The following TFDP1 variants were observed in gnomAD, a reference collection of about 807,000 sequenced individuals.
TFDP1 encodes DRTF1-polypeptide 1.
A neutral mutation model predicts 48.0 loss-of-function variants in TFDP1; 6 were observed. The observed-to-expected ratio is 0.13, with a 90% CI of 0.07 to 0.25. TFDP1 has a LOEUF of 0.25. Among genes scored for constraint, TFDP1 ranks in the 10% least tolerant of loss-of-function variants. TFDP1 has a pLI of 1.00. For synonymous variants in TFDP1, 201 were observed against 211.6 expected (o/e 0.95, Z 0.44); for missense variants, 335 against 543.0 (o/e 0.62, Z 3.81).
At chr13:113,621,003 GTTTAATATATT>G (rs2048982033) in intron 3 of TFDP1, among the ~76,000 whole-genome samples, 1 of 152,200 alleles carries the variant, frequency 6.6e-6, no homozygotes, top group Non-Finnish European at 1.5e-5. Flanking sequence ...AAAATTCATT[GTTTAATATATT>G]TTAAAGAAAT....
chr13:113,620,747 A>G (rs1319472402), intron 3 of TFDP1, among the ~76,000 whole-genome samples: 1 of 152,256 alleles, frequency 6.6e-6, no homozygotes, highest in Non-Finnish European at 1.5e-5. Flanking sequence ...ATAAAACAAT[A>G]AAAAAGTAAA....
At chr13:113,609,772 C>T (rs2048661209) in intron 2 of TFDP1, among the ~76,000 whole-genome samples, 1 of 152,164 alleles carries the variant, frequency 6.6e-6, no homozygotes, top group Non-Finnish European at 1.5e-5. Flanking sequence ...CCTTTACCCT[C>T]AGCGAAGGCA....
chr13:113,636,527 C>A lies in TFDP1; in HGVS notation c.840-7C>A. 1 of 1,613,150 alleles carries A rather than the reference C, an allele frequency of 6.2e-7. No homozygotes were observed. Among genetic ancestry groups the A allele is most frequent in the Non-Finnish European group, 8.5e-7 (1 of 1,179,900 alleles). ...CCTGTCTTTCTGACTGTGCCTTTCC[C>A]CTTCAGATTTGAGTATCTGTTTAAT... On this transcript the variant is annotated splice_polypyrimidine_tract_variant and splice_region_variant and intron_variant, in intron 9 of 11. Coordinates refer to ENST00000375370, the MANE Select transcript of TFDP1 (RefSeq NM_007111.5).
At position 113,614,094 on chromosome 13, in the gene TFDP1, TTG is replaced by T. The variant is rs559682404; in HGVS notation, c.79+3037_79+3038del. Among the ~76,000 whole-genome samples, 442 of 151,116 alleles carry T rather than the reference TTG, an allele frequency of 2.9e-3. 3 individuals carry two copies. Among genetic ancestry groups the T allele is most frequent in the African/African-American group, 0.01 (428 of 41,114 alleles). On this transcript the variant is annotated intron_variant, in intron 3 of 11. Coordinates refer to ENST00000375370, the MANE Select transcript of TFDP1 (RefSeq NM_007111.5). ...GTTGTGTGCATGAGATGTATGTGAG[TTG>T]TGTGCATATGCACGTGTGAGTTGAG...
At chr13:113,585,301 A>C (rs1177754648) in intron 1 of TFDP1, 1 of 150,762 alleles carries the variant, frequency 6.6e-6, no homozygotes, top group Non-Finnish European at 1.5e-5. Flanking sequence ...GCCTAGTGAC[A>C]GGCGCGCGGC....
chr13:113,636,144 G>A lies in TFDP1; in HGVS notation c.839+16G>A. 6.2e-7 allele frequency: 1 copy of A among 1,613,374 alleles called. No homozygotes were observed. The highest frequency in any genetic ancestry group is 1.1e-5 in the South Asian group (1 of 90,974). On this transcript the variant is annotated intron_variant, in intron 9 of 11. Transcript: ENST00000375370. Reference sequence around the variant, plus strand: ...CCAATGACAAGTAGGTTGTGGGCGGGGAGCTGTTCCCTGGTCACCCATCTC... The same window carrying A: ...CCAATGACAAGTAGGTTGTGGGCGGAGAGCTGTTCCCTGGTCACCCATCTC...
In TFDP1 at chr13:113,622,818, T is replaced by G. The variant is rs560204265; in HGVS notation, c.80-362T>G. Among the ~76,000 whole-genome samples the G allele has an allele frequency of 3.3e-5, 5 of 152,364 alleles. No individual in the cohort carries two copies. The East Asian group carries it at 9.6e-4, about 29-fold the overall frequency. On this transcript the variant is annotated intron_variant, in intron 3 of 11. Transcript: ENST00000375370. ...GTTTTGCAGCCTTATAGAGAAATGTTGCGATAAAAATTCTAGTTTTAAAAT... is the reference window on the plus strand; with the variant it reads ...GTTTTGCAGCCTTATAGAGAAATGTGGCGATAAAAATTCTAGTTTTAAAAT...
intron 2 of TFDP1, among the ~76,000 whole-genome samples, chr13:113,591,992 G>T: frequency 6.6e-6 from 1 of 152,282 alleles, no homozygotes; most frequent in South Asian, 2.1e-4. Context: ...TGAGATTCCC[G>T]CAGCATCCCG....
intron 3 of TFDP1, among the ~76,000 whole-genome samples, chr13:113,622,212 C>T (rs1196400004): frequency 6.6e-6 from 1 of 152,240 alleles, no homozygotes; most frequent in African/African-American, 2.4e-5. Context: ...CACTACCGGT[C>T]TCTGCGACTT....
In TFDP1 at chr13:113,607,224, A is replaced by G. The variant is rs886489830; in HGVS notation, c.13-3772A>G. On this transcript the variant is annotated intron_variant, in intron 2 of 11. Coordinates refer to ENST00000375370, the MANE Select transcript of TFDP1 (RefSeq NM_007111.5). The surrounding 1 kb of genome is among the most constrained non-coding windows in gnomAD (Gnocchi z 5.2). ...TGCGGCTGAGACAGCGCAGGGCGTCATTCATCCCCCTGCCTCCTGAGCCCA... is the reference window on the plus strand; with the variant it reads ...TGCGGCTGAGACAGCGCAGGGCGTCGTTCATCCCCCTGCCTCCTGAGCCCA... 6.6e-6 allele frequency among the ~76,000 whole-genome samples: 1 copy of G among 152,206 alleles called. No individual in the cohort carries two copies.
intron 3 of TFDP1, 75 bp downstream of exon 3, chr13:113,611,137 C>T (rs1056782688): frequency 1.6e-5 from 22 of 1,384,274 alleles, no homozygotes; most frequent in African/African-American, 1.1e-4. Context: ...AAGCTGTTGA[C>T]GCTGAAGCCT....
Position 113,636,082 on chromosome 13 carries a change from A to G in TFDP1, c.793A>G (p.Asn265Asp). Residue 265 changes from asparagine to aspartate, a missense_variant, in exon 9 of 12, where the codon AAC (asparagine) becomes GAC (aspartate). Transcript: ENST00000375370. Reference sequence around the variant, plus strand: ...CATCCACCTGCCCTTCATCATCGTCAACACCAGCAAGAAGACGGTCATCGA... The same window carrying G: ...CATCCACCTGCCCTTCATCATCGTCGACACCAGCAAGAAGACGGTCATCGA... The part of the protein sequence containing the change: ...SVIHLPFIIV[N>D]TSKKTVIDCS... 1 of 1,614,182 alleles carries G rather than the reference A, an allele frequency of 6.2e-7. No homozygotes were observed. Among genetic ancestry groups the G allele is most frequent in the Non-Finnish European group, 8.5e-7 (1 of 1,180,034 alleles).
At chr13:113,617,907 T>G (rs1447773874) in intron 3 of TFDP1, among the ~76,000 whole-genome samples, 1 of 152,256 alleles carries the variant, frequency 6.6e-6, no homozygotes, top group Non-Finnish European at 1.5e-5. Context: ...GAATACTATA[T>G]TTAGACTCCT....
chr13:113,611,288 A>G (rs774958668), intron 3 of TFDP1, among the ~76,000 whole-genome samples: 1 of 152,266 alleles, frequency 6.6e-6, no homozygotes, highest in Admixed American at 6.5e-5. Flanking sequence ...TAAGGTATGT[A>G]TACTATTTGC....
At position 113,633,768 on chromosome 13, in the gene TFDP1, G is replaced by T; in HGVS notation, c.475-122G>T. The T allele has an allele frequency of 8.4e-7, 1 of 1,192,982 alleles. No individual in the cohort carries two copies. The highest frequency in any genetic ancestry group is 2.2e-5 in the Admixed American group (1 of 45,014). The allele number at this position is 1,192,982 out of a possible 1,614,324, so 73.9% of individuals were successfully genotyped here. ...TGTGGGGTGGGAGCGCTCCCTGAGGGCATGTTGGGGTGGCGGCTCCGTGAG... is the reference window on the plus strand; with the variant it reads ...TGTGGGGTGGGAGCGCTCCCTGAGGTCATGTTGGGGTGGCGGCTCCGTGAG... On this transcript the variant is annotated intron_variant, in intron 6 of 11. Coordinates refer to ENST00000375370, the MANE Select transcript of TFDP1 (RefSeq NM_007111.5). The surrounding 1 kb of genome is among the most constrained non-coding windows in gnomAD (Gnocchi z 4.5).
intron 7 of TFDP1, 129 bp downstream of exon 7, chr13:113,634,162 T>A: frequency 7.7e-7 from 1 of 1,299,308 alleles, no homozygotes; most frequent in Non-Finnish European, 1.1e-6. Flanking sequence ...CAGACGGTCA[T>A]GCAGACGTCT....
chr13:113,594,272 T>G (rs2048229303), intron 2 of TFDP1, among the ~76,000 whole-genome samples: 1 of 147,508 alleles, frequency 6.8e-6, no homozygotes, highest in Non-Finnish European at 1.5e-5. Context: ...ACGTGGGTCC[T>G]CAGCCCTGTC....
rs552548484 is a variant in TFDP1, at chr13:113,598,482, T to A, written c.13-12514T>A. Among the ~76,000 whole-genome samples, 19 of 152,266 alleles carry A rather than the reference T, an allele frequency of 1.2e-4. No individual in the cohort carries two copies. In the South Asian group the frequency reaches 3.3e-3, roughly 27 times the overall value. On this transcript the variant is annotated intron_variant, in intron 2 of 11. Transcript: ENST00000375370. The surrounding 1 kb of genome is among the most constrained non-coding windows in gnomAD (Gnocchi z 4.2). ...GCTCATGAGTGGATGGGCCCCACCC[T>A]CTGTGCCTGCTGGGGCTTCAGAATC... is the stretch of plus-strand genomic sequence containing the variant.
intron 3 of TFDP1, among the ~76,000 whole-genome samples, chr13:113,614,679 C>T (rs1237391817): frequency 6.6e-6 from 1 of 152,220 alleles, no homozygotes; most frequent in Non-Finnish European, 1.5e-5. Flanking sequence ...GCCACTGTGT[C>T]TCTTCCTGCT....
Sources: allele counts gnomAD v4.1 joint callset (sites outside exome capture counted in the v4.1 genomes callset), GRCh38; gene constraint gnomAD v4.1.1; non-coding constraint Gnocchi (gnomAD v3.1); transcripts MANE v1.5; gene names NCBI Gene and HGNC (gene_info 2026-07-23, HGNC 2026-07-21).